SLC9A6: variants seen among roughly 807,000 people sequenced by gnomAD.
SLC9A6 encodes solute carrier family 9 member A6, also known as sodium/hydrogen exchanger 6.
SLC9A6 carries 6 observed loss-of-function variants against 45.3 expected under a neutral mutation model. The observed-to-expected ratio is 0.13, with a 90% CI of 0.07 to 0.26. SLC9A6 has a LOEUF of 0.26. SLC9A6 is among the 10% of genes least tolerant of loss of function. The pLI is 1.00. For missense variants in SLC9A6, 278 were observed against 503.7 expected (o/e 0.55, Z 4.29); for synonymous variants, 191 against 187.7 (o/e 1.02, Z -0.14).
Position 135,990,583 on chromosome X carries a change from G to A in SLC9A6, c.170-4203G>A, listed in dbSNP as rs577113597. Among the ~76,000 whole-genome samples, 10 of 111,253 alleles carry A rather than the reference G, an allele frequency of 9.0e-5. No individual in the cohort carries two copies. In the South Asian group the frequency reaches 3.0e-3, roughly 33 times the overall value. ...AACCTAAATAATTATTCTCCATGCTGTTGTTTTATCGACCAAGGTATGTGT... is the reference window on the plus strand; with the variant it reads ...AACCTAAATAATTATTCTCCATGCTATTGTTTTATCGACCAAGGTATGTGT... On this transcript the variant is annotated intron_variant, in intron 2 of 17. Coordinates refer to ENST00000630721, the MANE Select transcript of SLC9A6 (RefSeq NM_001379110.1).
Position 136,030,181 on chromosome X carries a change from T to C in SLC9A6, c.1581+19T>C. The C allele has an allele frequency of 8.4e-7, 1 of 1,196,964 alleles. No homozygotes were observed. Among genetic ancestry groups the C allele is most frequent in the Non-Finnish European group, 1.1e-6 (1 of 883,067 alleles). On this transcript the variant is annotated intron_variant, in intron 15 of 17. Transcript: ENST00000630721. ...ACACTTGGTAAATATGCGTTTTTGT[T>C]GTTCCTGGCATTTCTGTCAAATGTG...
Position 135,998,507 on chromosome X carries a change from C to A in SLC9A6, c.473C>A (p.Ser158Tyr), listed in dbSNP as rs2148150497. 8.6e-7 allele frequency: 1 copy of A among 1,165,235 alleles called. No individual in the cohort carries two copies. The highest frequency in any genetic ancestry group is 2.5e-5 in the Admixed American group (1 of 39,422). ...KRRHFFRNLG[S>Y]ILAYAFLGTA... ...AGACATTTTTTTCGAAATCTTGGGT[C>A]TATCCTAGCATACGCTTTTCTTGGA... The change falls in exon 5 of 18, where the codon TCT (serine) becomes TAT (tyrosine). Residue 158 changes from serine to tyrosine, a missense_variant. Ser to Tyr is a moderately radical substitution (Grantham distance 144, BLOSUM62 -2). Around this residue, in one of 5 missense-constraint regions of SLC9A6, gnomAD observed 118 missense variants for 209.9 expected, o/e 0.56. Transcript: ENST00000630721.
At chrX:135,998,306 C>T (rs1417049809) in intron 4 of SLC9A6, 121 bp downstream of exon 4, 3 of 569,231 alleles carry the variant, frequency 5.3e-6, no homozygotes, top group Non-Finnish European at 8.8e-6. Flanking sequence ...TCTCCTTATC[C>T]TTTTTAGATG....
At chrX:136,011,644 C>CA (rs1178172568) in intron 8 of SLC9A6, among the ~76,000 whole-genome samples, 4 of 112,338 alleles carry the variant, frequency 3.6e-5, no homozygotes, top group African/African-American at 1.3e-4. Flanking sequence ...CTAAAGAAGA[C>CA]AAACATGACC....
intron 17 of SLC9A6, among the ~76,000 whole-genome samples, chrX:136,041,910 C>T (rs73226741): frequency 0.034 from 3,756 of 111,357 alleles, 70 homozygotes; most frequent in Non-Finnish European, 0.051. Flanking sequence ...CTATCTTGGA[C>T]CTTCCTTGAC....
chrX:136,039,353 A>G (rs115823763), intron 16 of SLC9A6, among the ~76,000 whole-genome samples: 1,164 of 110,357 alleles, frequency 0.011, 5 homozygotes, highest in African/African-American at 0.014. Flanking sequence ...GTGTGTCTGT[A>G]TCCTTTTCTC....
intron 3 of SLC9A6, among the ~76,000 whole-genome samples, chrX:135,995,447 C>T (rs1556616362): frequency 9.0e-6 from 1 of 111,168 alleles, no homozygotes; most frequent in Non-Finnish European, 1.9e-5. Context: ...CTCAGCCTCC[C>T]GTGTAGCTGG....
At chrX:135,985,557 C>T in intron 1 of SLC9A6, 46 bp from the exon 2 acceptor site, 3 of 1,189,562 alleles carry the variant, frequency 2.5e-6, no homozygotes, top group Non-Finnish European at 3.4e-6. Context: ...CGGCAGCAGT[C>T]CCCGAGCCCG....
rs781889579 is a variant in SLC9A6, at chrX:135,985,492, C to A, written c.-57+15C>A. 1 of 1,076,303 alleles carries A rather than the reference C, an allele frequency of 9.3e-7. No individual in the cohort carries two copies. The highest frequency in any genetic ancestry group is 1.2e-6 in the Non-Finnish European group (1 of 831,807). 88.7% of individuals were successfully genotyped at this position (1,076,303 alleles called of 1,213,427 possible). On this transcript the variant is annotated intron_variant, in intron 1 of 17. Transcript: ENST00000630721. ...CCGCCGGTGAGGTAGGGGCGGGAGG[C>A]GGGGGGAGACATGGCTCGGCGCGGC...
At chrX:136,039,433 CAAAT>C (rs782031041) in intron 16 of SLC9A6, among the ~76,000 whole-genome samples, 23 of 109,899 alleles carry the variant, frequency 2.1e-4, no homozygotes, top group Non-Finnish European at 3.8e-4. Context: ...TATTTTTTGG[CAAAT>C]AAATGAATAC....
rs188529383 is a variant in SLC9A6, at chrX:135,990,009, G to A, written c.169+4182G>A. 4.8e-3 allele frequency among the ~76,000 whole-genome samples: 536 copies of A among 110,892 alleles called. 2 individuals are homozygous for A. The highest frequency in any genetic ancestry group is 7.4e-3 in the Non-Finnish European group (392 of 52,874). ...TTTGTTTTTGTTTTTGTTTTGAGAC[G>A]GAGTCTCGCTCTGTCTCCCAGGCTG... On this transcript the variant is annotated intron_variant, in intron 2 of 17. Transcript: ENST00000630721.
rs375038684 is a variant in SLC9A6, at chrX:135,998,464, CTT to C, written c.448-7_448-6del. ...ACTGGTAAGTATTCTAACAGTGTAA[CTT>C]TTTTTTTTTTGTCAGAGACATTTTT... On this transcript the variant is annotated splice_polypyrimidine_tract_variant and intron_variant, in intron 4 of 17. Coordinates refer to ENST00000630721, the MANE Select transcript of SLC9A6 (RefSeq NM_001379110.1). 1.9e-5 allele frequency: 16 copies of C among 838,179 alleles called. No individual in the cohort carries two copies. The highest frequency in any genetic ancestry group is 3.8e-5 in the East Asian group (1 of 26,277). 69.1% of individuals were successfully genotyped at this position (838,179 alleles called of 1,213,427 possible).
rs1278233302 is a variant in SLC9A6, at chrX:135,985,494, G to A, written c.-57+17G>A. 3 of 1,083,577 alleles carry A rather than the reference G, an allele frequency of 2.8e-6. No homozygotes were observed. The highest frequency in any genetic ancestry group is 3.6e-6 in the Non-Finnish European group (3 of 837,515). 89.3% of individuals were successfully genotyped at this position (1,083,577 alleles called of 1,213,427 possible). A position where few individuals can be genotyped will look rare whatever the true frequency, so the allele number is the denominator to read the frequency against. ...GCCGGTGAGGTAGGGGCGGGAGGCGGGGGGAGACATGGCTCGGCGCGGCTG... is the reference window on the plus strand; with the variant it reads ...GCCGGTGAGGTAGGGGCGGGAGGCGAGGGGAGACATGGCTCGGCGCGGCTG... On this transcript the variant is annotated intron_variant, in intron 1 of 17. Coordinates refer to ENST00000630721, the MANE Select transcript of SLC9A6 (RefSeq NM_001379110.1).
chrX:135,978,293 C>T (rs2089271733), intron 1 of SLC9A6, among the ~76,000 whole-genome samples: 1 of 112,075 alleles, frequency 8.9e-6, no homozygotes, highest in Admixed American at 9.5e-5. Flanking sequence ...CTTAGGGTTT[C>T]ATTACCACAT....
chrX:136,030,864 A>G (rs2071308342), intron 15 of SLC9A6, among the ~76,000 whole-genome samples: 1 of 112,204 alleles, frequency 8.9e-6, no homozygotes, highest in South Asian at 3.7e-4. Context: ...CAGACGTTAG[A>G]TGAGAAATCA....
In SLC9A6 at chrX:136,022,668, C is replaced by T. The variant is rs782064204; in HGVS notation, c.1277C>T (p.Ser426Leu). ...LNLGRRSKIGSNFQHMMMFAG... is the reference protein window; with the variant it reads ...LNLGRRSKIGLNFQHMMMFAG... The stretch of plus-strand genomic sequence containing the variant: ...TTGGGTAGAAGAAGTAAGATTGGAT[C>T]AAATTTTCAACACATGATGATGTTT... The change falls in exon 12 of 18, where the codon TCA becomes TTA. Residue 426 changes from serine to leucine, a missense_variant. This residue lies in a region of SLC9A6 where 41 missense variants were observed against 51.8 expected (regional missense o/e 0.79). Coordinates refer to ENST00000630721, the MANE Select transcript of SLC9A6 (RefSeq NM_001379110.1). The T allele has an allele frequency of 5.9e-6, 7 of 1,185,317 alleles. No individual in the cohort carries two copies. Among genetic ancestry groups the T allele is most frequent in the East Asian group, 3.0e-5 (1 of 33,000 alleles).
At chrX:135,974,732 C>G (rs1556613144) in exon 1 of SLC9A6, 1 of 341,424 alleles carries the variant, frequency 2.9e-6, no homozygotes, top group Non-Finnish European at 5.9e-6. Flanking sequence ...ATCCCAGGAT[C>G]TGGAACCCCA....
chrX:136,035,266 A>G (rs2071394351), intron 16 of SLC9A6, among the ~76,000 whole-genome samples: 1 of 112,207 alleles, frequency 8.9e-6, no homozygotes, highest in Non-Finnish European at 1.9e-5. Flanking sequence ...TGTACAGCTT[A>G]ATGAATTTCA....
chrX:135,982,753 C>T (rs887739959), upstream of SLC9A6, among the ~76,000 whole-genome samples: 9 of 112,424 alleles, frequency 8.0e-5, no homozygotes, highest in Non-Finnish European at 1.7e-4. Flanking sequence ...AGATCAAAGG[C>T]GTAAGCCACC....
Sources: gnomAD v4.1 joint callset for allele counts (sites outside exome capture counted in the v4.1 genomes callset) on GRCh38, gnomAD v4.1.1 for gene constraint, gnomAD v4.1.1 regional missense constraint, MANE v1.5 for transcripts, NCBI Gene and HGNC (gene_info 2026-07-23, HGNC 2026-07-21) for gene names.